Variants in NTM observed in about 807,000 individuals in gnomAD.
The protein encoded by NTM is IgLON family member 2.
In NTM, 13 loss-of-function variants were observed where a neutral mutation model predicts 42.1. The observed-to-expected ratio is 0.31, with a 90% CI of 0.20 to 0.49. The LOEUF (loss-of-function observed/expected upper bound fraction) is 0.49. Ranked by LOEUF, NTM falls within the 20% of genes least tolerant of loss-of-function variation. The probability of loss-of-function intolerance (pLI) is 0.99; values close to 1 mark genes in which losing one functional copy is unlikely to be tolerated. For missense variants in NTM, 373 were observed against 452.8 expected, an observed-to-expected ratio of 0.82 and a Z score of 1.60; for synonymous variants, 187 against 179.2, an observed-to-expected ratio of 1.04 and a Z score of -0.35.
chr11:131,734,058 A>T (rs896214937), intron 1 of NTM, among the ~76,000 whole-genome samples: 2 of 152,214 alleles, frequency 1.3e-5, no homozygotes, highest in African/African-American at 4.8e-5. Context: ...AACTGATGGC[A>T]GACTGCAGTG....
rs1032112157 is a variant in NTM, at chr11:132,297,782, G to A, written c.527-9907G>A. On this transcript the variant is annotated intron_variant, in intron 4 of 8. Coordinates refer to ENST00000683400, the MANE Select transcript of NTM (RefSeq NM_001352005.2). ...CTAGGGGATGATCCAGAGGATCATA[G>A]CAAGGGGGTACCAAGCCGTGTGTGT... Among the ~76,000 whole-genome samples, 7 of 152,150 alleles carry A rather than the reference G, an allele frequency of 4.6e-5. No individual in the cohort carries two copies. In the East Asian group the frequency reaches 1.2e-3, roughly 25 times the overall value.
chr11:132,107,773 GAC>G (rs1425105158), intron 2 of NTM, among the ~76,000 whole-genome samples: 3 of 152,046 alleles, frequency 2.0e-5, no homozygotes, highest in Non-Finnish European at 4.4e-5. Flanking sequence ...TGACTTCCAT[GAC>G]ACATAACTCC....
chr11:132,098,028 G>T (rs931590461), intron 2 of NTM, among the ~76,000 whole-genome samples: 2 of 152,208 alleles, frequency 1.3e-5, no homozygotes, highest in African/African-American at 2.4e-5. Context: ...GCTGTAACAG[G>T]TATTGTTATG....
chr11:131,935,777 A>G (rs992949128), intron 2 of NTM, among the ~76,000 whole-genome samples: 1 of 152,228 alleles, frequency 6.6e-6, no homozygotes, highest in Admixed American at 6.5e-5. Flanking sequence ...TTTTAGATCA[A>G]AATTACAGAA....
At chr11:131,632,068 T>G (rs2063712426) in intron 1 of NTM, among the ~76,000 whole-genome samples, 1 of 152,200 alleles carries the variant, frequency 6.6e-6, no homozygotes, top group Admixed American at 6.5e-5. Flanking sequence ...ATAGAGTACT[T>G]TTTAGATCTG....
chr11:131,585,188 T>G (rs924082780), intron 1 of NTM, among the ~76,000 whole-genome samples: 3 of 152,240 alleles, frequency 2.0e-5, no homozygotes, highest in Non-Finnish European at 4.4e-5. Context: ...TTTTTTTGTG[T>G]GAATTAGTTA....
At chr11:131,539,666 C>G (rs774206389) in intron 1 of NTM, 1 of 152,284 alleles carries the variant, frequency 6.6e-6, no homozygotes, top group African/African-American at 2.4e-5. Flanking sequence ...GCTCTCCAGG[C>G]AAAGAAAAGG....
chr11:132,265,402 C>T (rs969080858), intron 4 of NTM, among the ~76,000 whole-genome samples: 9 of 152,272 alleles, frequency 5.9e-5, no homozygotes, highest in African/African-American at 1.9e-4. Context: ...TTTTCTAATA[C>T]GCTAAAGTTC....
chr11:132,217,863 C>T (rs530622949), intron 4 of NTM, among the ~76,000 whole-genome samples: 8 of 152,190 alleles, frequency 5.3e-5, no homozygotes, highest in African/African-American at 1.9e-4. Context: ...GCTCCCCCTC[C>T]CCTTCCCCAA....
At chr11:132,046,406 T>C (rs1468002828) in intron 2 of NTM, among the ~76,000 whole-genome samples, 1 of 151,948 alleles carries the variant, frequency 6.6e-6, no homozygotes, top group Non-Finnish European at 1.5e-5. Context: ...AACCCACCCC[T>C]TTACATAACA....
intron 1 of NTM, among the ~76,000 whole-genome samples, chr11:131,412,199 G>T (rs1412555535): frequency 6.6e-6 from 1 of 152,186 alleles, no homozygotes; most frequent in Non-Finnish European, 1.5e-5. Context: ...AGCTGAGAAG[G>T]CAAGAACAGC....
At chr11:131,387,635 T>C (rs1222570021) in intron 1 of NTM, among the ~76,000 whole-genome samples, 2 of 152,224 alleles carry the variant, frequency 1.3e-5, no homozygotes, top group Non-Finnish European at 2.9e-5. Flanking sequence ...GAAATGTTTC[T>C]CCCACGTAGG....
At chr11:131,556,008 A>G (rs2055363037) in intron 1 of NTM, among the ~76,000 whole-genome samples, 2 of 152,174 alleles carry the variant, frequency 1.3e-5, no homozygotes, top group Admixed American at 1.3e-4. Context: ...AACAGAGTCA[A>G]TGGAAAGTTT....
chr11:131,663,080 T>C (rs926939553), intron 1 of NTM: 5 of 152,090 alleles, frequency 3.3e-5, no homozygotes, highest in African/African-American at 1.2e-4. Context: ...AGGACAAAGG[T>C]GTAGTGTTTA....
chr11:132,025,416 G>C (rs1231677445), intron 2 of NTM, among the ~76,000 whole-genome samples: 1 of 152,192 alleles, frequency 6.6e-6, no homozygotes, highest in Non-Finnish European at 1.5e-5. Context: ...TAAAACCTTA[G>C]ACTAGTGCTT....
chr11:131,607,676 T>C (rs2061092259), intron 1 of NTM, among the ~76,000 whole-genome samples: 1 of 152,138 alleles, frequency 6.6e-6, no homozygotes, highest in African/African-American at 2.4e-5. Flanking sequence ...ACACTCATGC[T>C]TTTGTCTATA....
At chr11:132,173,661 G>A (rs537427569) in intron 3 of NTM, among the ~76,000 whole-genome samples, 6 of 152,284 alleles carry the variant, frequency 3.9e-5, no homozygotes, top group African/African-American at 1.4e-4. Context: ...ATGAAAACCA[G>A]CTTGTGGAGG....
At chr11:131,698,515 A>G (rs2135135951) in intron 1 of NTM, among the ~76,000 whole-genome samples, 1 of 152,304 alleles carries the variant, frequency 6.6e-6, no homozygotes, top group Non-Finnish European at 1.5e-5. Flanking sequence ...TGCTGTAATT[A>G]TTCCCATTTT....
At chr11:132,307,643 C>G in intron 4 of NTM, 46 bp from the exon 5 acceptor site, 1 of 1,605,222 alleles carries the variant, frequency 6.2e-7, no homozygotes, top group Non-Finnish European at 8.5e-7. Context: ...CATGTTTGGT[C>G]TTTTTTTTCC....
Sources: allele counts gnomAD v4.1 joint callset (sites outside exome capture counted in the v4.1 genomes callset), GRCh38; gene constraint gnomAD v4.1.1; transcripts MANE v1.5; gene names NCBI Gene and HGNC (gene_info 2026-07-23, HGNC 2026-07-21).